The following ADAMTS18 variants were observed in gnomAD, a reference collection of about 807,000 sequenced individuals.
ADAMTS18 encodes A disintegrin and metalloproteinase with thrombospondin motifs 18.
ADAMTS18 carries 157 observed loss-of-function variants against 165.9 expected under a neutral mutation model. The observed-to-expected ratio is 0.95, with a 90% CI of 0.83 to 1.08. The LOEUF is 1.08. Among genes scored for constraint, ADAMTS18 ranks in the 50% least tolerant of loss-of-function variants. The pLI, the probability that ADAMTS18 is intolerant of heterozygous loss-of-function variation, is 0.00. For synonymous variants in ADAMTS18, 782 were observed against 578.2 expected, an observed-to-expected ratio of 1.35 and a Z score of -5.06; for missense variants, 2,040 against 1,534.0, an observed-to-expected ratio of 1.33 and a Z score of -5.51.
At chr16:77,420,549 C>G (rs1250237517) in intron 3 of ADAMTS18, among the ~76,000 whole-genome samples, 1 of 152,104 alleles carries the variant, frequency 6.6e-6, no homozygotes, top group Non-Finnish European at 1.5e-5. Flanking sequence ...GTCATACACA[C>G]CGAGGTTAAA....
chr16:77,411,520 G>C (rs1009334723), intron 3 of ADAMTS18, among the ~76,000 whole-genome samples: 1 of 151,964 alleles, frequency 6.6e-6, no homozygotes, highest in Non-Finnish European at 1.5e-5. Context: ...TCTAGTACAG[G>C]AGACAGGCAT....
chr16:77,396,361 G>A (rs1242707256), intron 3 of ADAMTS18, among the ~76,000 whole-genome samples: 1 of 152,186 alleles, frequency 6.6e-6, no homozygotes, highest in East Asian at 1.9e-4. Context: ...TCAAACTGCT[G>A]TAAATTTAAA....
intron 7 of ADAMTS18, among the ~76,000 whole-genome samples, chr16:77,360,947 G>A (rs1186008508): frequency 1.3e-5 from 2 of 152,024 alleles, no homozygotes. Flanking sequence ...TTAGCCAGGT[G>A]TGGTGGTGGG....
intron 3 of ADAMTS18, 126 bp downstream of exon 3, chr16:77,431,169 A>G: frequency 1.0e-6 from 1 of 966,246 alleles, no homozygotes; most frequent in Non-Finnish European, 1.6e-6. Context: ...GAATATTAGA[A>G]GTATCAAGGC....
At chr16:77,353,940 T>C in intron 9 of ADAMTS18, 54 bp from the exon 10 acceptor site, 2 of 1,606,920 alleles carry the variant, frequency 1.2e-6, no homozygotes, top group East Asian at 4.5e-5. Context: ...GATCTTTCCA[T>C]TTACGACAAC....
chr16:77,345,505 A>G (rs961673187), intron 10 of ADAMTS18, among the ~76,000 whole-genome samples: 2 of 152,178 alleles, frequency 1.3e-5, no homozygotes, highest in Non-Finnish European at 2.9e-5. Context: ...ACCCTGTTCC[A>G]AGCCACCCGA....
At chr16:77,314,640 T>TGG in intron 16 of ADAMTS18, among the ~76,000 whole-genome samples, 2 of 119,368 alleles carry the variant, frequency 1.7e-5, no homozygotes, top group Admixed American at 8.3e-5. Flanking sequence ...TGTGTATGTG[T>TGG]GTGTGTGTGT....
At chr16:77,352,619 T>C (rs1413523802) in intron 10 of ADAMTS18, among the ~76,000 whole-genome samples, 1 of 151,690 alleles carries the variant, frequency 6.6e-6, no homozygotes, top group Non-Finnish European at 1.5e-5. Context: ...TGATAGTAAA[T>C]GGTGATAGTG....
At position 77,314,781 on chromosome 16, in the gene ADAMTS18, TATATAA is replaced by T. The variant is rs1228468287; in HGVS notation, c.2532+5062_2532+5067del. On this transcript the variant is annotated intron_variant, in intron 16 of 22. Transcript: ENST00000282849. Reference sequence around the variant, plus strand: ...ATATATATATATATATATATATATATATATAAAATATATGTGATATGCTCAGAAGGC... The same window carrying T: ...ATATATATATATATATATATATATATAATATATGTGATATGCTCAGAAGGC... Among the ~76,000 whole-genome samples the T allele has an allele frequency of 8.8e-4, 78 of 88,332 alleles. 13 individuals carry two copies. Among genetic ancestry groups the T allele is most frequent in the Non-Finnish European group, 1.4e-3 (60 of 43,280 alleles). 57.9% of individuals were successfully genotyped at this position (88,332 alleles called of 152,430 possible).
chr16:77,300,493 A>T, intron 16 of ADAMTS18, 89 bp from the exon 17 acceptor site: 1 of 1,471,026 alleles, frequency 6.8e-7, no homozygotes, highest in Non-Finnish European at 9.5e-7. Context: ...AAAGATATTT[A>T]CATGACATTT....
At chr16:77,287,520 C>T (rs901155302) in intron 22 of ADAMTS18, among the ~76,000 whole-genome samples, 2 of 152,072 alleles carry the variant, frequency 1.3e-5, no homozygotes, top group African/African-American at 4.8e-5. Context: ...AAAAAAAGCC[C>T]AGGCTGGAGT....
intron 12 of ADAMTS18, among the ~76,000 whole-genome samples, chr16:77,331,047 A>G (rs2056180733): frequency 6.6e-6 from 1 of 152,226 alleles, no homozygotes; most frequent in African/African-American, 2.4e-5. Context: ...ATGCAGAGTT[A>G]AAGTAAACAG....
chr16:77,412,021 G>T (rs2057471371), intron 3 of ADAMTS18, among the ~76,000 whole-genome samples: 1 of 151,952 alleles, frequency 6.6e-6, no homozygotes, highest in Non-Finnish European at 1.5e-5. Flanking sequence ...TTCTGGGTGT[G>T]TCTGTGAGGG....
intron 3 of ADAMTS18, among the ~76,000 whole-genome samples, chr16:77,396,036 T>G (rs1265507050): frequency 2.0e-5 from 3 of 152,198 alleles, no homozygotes; most frequent in Non-Finnish European, 4.4e-5. Context: ...CATTAATATT[T>G]TGTAGATGAC....
intron 12 of ADAMTS18, among the ~76,000 whole-genome samples, chr16:77,335,313 G>A (rs930796073): frequency 1.3e-5 from 2 of 151,014 alleles, no homozygotes; most frequent in Non-Finnish European, 2.9e-5. Context: ...TAGAGCTAGA[G>A]AGTGCATTGA....
intron 3 of ADAMTS18, among the ~76,000 whole-genome samples, chr16:77,393,305 GC>G (rs1249760488): frequency 6.6e-6 from 1 of 152,198 alleles, no homozygotes; most frequent in Admixed American, 6.5e-5. Flanking sequence ...AACATGAAAG[GC>G]TGCCTGAGGG....
At chr16:77,284,705 A>G (rs1447656257) in intron 22 of ADAMTS18, among the ~76,000 whole-genome samples, 1 of 152,144 alleles carries the variant, frequency 6.6e-6, no homozygotes, top group Non-Finnish European at 1.5e-5. Context: ...CCTGGGAGCT[A>G]CCATGGAATT....
intron 4 of ADAMTS18, 25 bp from the exon 5 acceptor site, chr16:77,364,406 G>A (rs1033037985): frequency 1.2e-6 from 2 of 1,610,816 alleles, no homozygotes; most frequent in Non-Finnish European, 1.7e-6. Context: ...AGAGCATTTG[G>A]AAGGGATATT....
chr16:77,288,313 G>C (rs188985286), intron 22 of ADAMTS18, among the ~76,000 whole-genome samples: 1 of 152,106 alleles, frequency 6.6e-6, no homozygotes, highest in South Asian at 2.1e-4. Context: ...TAGTCTGGAA[G>C]AACATGACCG....
Sources: allele counts gnomAD v4.1 joint callset (sites outside exome capture counted in the v4.1 genomes callset), GRCh38; gene constraint gnomAD v4.1.1; transcripts MANE v1.5; gene names NCBI Gene and HGNC (gene_info 2026-07-23, HGNC 2026-07-21).